Variants in DLG2 observed in about 807,000 individuals in gnomAD.
DLG2 encodes disks large homolog 2.
A neutral mutation model predicts 132.5 loss-of-function variants in DLG2; 45 were observed. The observed-to-expected ratio is 0.34, with a 90% confidence interval of 0.27 to 0.44. The LOEUF is 0.44. Ranked by LOEUF, DLG2 falls within the 20% of genes least tolerant of loss-of-function variation. DLG2 has a pLI of 1.00. For missense variants in DLG2, 1,045 were observed against 1,196.9 expected (o/e 0.87, Z 1.87); for synonymous variants, 424 against 419.6 (o/e 1.01, Z -0.13).
intron 19 of DLG2, among the ~76,000 whole-genome samples, chr11:83,593,672 AG>A (rs998008174): frequency 2.6e-5 from 4 of 151,438 alleles, no homozygotes; most frequent in African/African-American, 9.7e-5. Flanking sequence ...TAAAAAAAAA[AG>A]AAAAAAAAAG....
At position 84,412,096 on chromosome 11, in the gene DLG2, G is replaced by C. The variant is rs551906235; in HGVS notation, c.519+122474C>G. Among the ~76,000 whole-genome samples the C allele has an allele frequency of 3.5e-4, 53 of 151,668 alleles. 1 individual carries two copies. In the South Asian group the frequency reaches 0.011, roughly 30 times the overall value. On this transcript the variant is annotated intron_variant, in intron 7 of 27. Coordinates refer to ENST00000376104, the MANE Select transcript of DLG2 (RefSeq NM_001142699.3). ...CACCCTATAGCTGGGCTTAGCTAAA[G>C]TCTGCCCCATAACAGATGGTAATAC... is the stretch of plus-strand genomic sequence containing the variant.
At chr11:83,793,147 AT>A (rs1264613907) in intron 17 of DLG2, among the ~76,000 whole-genome samples, 1 of 152,112 alleles carries the variant, frequency 6.6e-6, no homozygotes, top group Non-Finnish European at 1.5e-5. Context: ...CTTTCAAAAA[AT>A]TATCTGCAAA....
chr11:85,022,245 G>T (rs1202721927), intron 6 of DLG2, among the ~76,000 whole-genome samples: 2 of 151,558 alleles, frequency 1.3e-5, no homozygotes, highest in Non-Finnish European at 2.9e-5. Context: ...AAATAAAACA[G>T]AAAGAATGAA....
Position 84,711,599 on chromosome 11 carries a change from A to G in DLG2, c.358-176868T>C, listed in dbSNP as rs1410742259. ...ACAAAAGCCAGCAGGCTCAAAACCCAAAAAGAGCCAATGCTTCACTTCAAG... is the reference window on the plus strand; with the variant it reads ...ACAAAAGCCAGCAGGCTCAAAACCCGAAAAGAGCCAATGCTTCACTTCAAG... On this transcript the variant is annotated intron_variant, in intron 6 of 27. Coordinates refer to ENST00000376104, the MANE Select transcript of DLG2 (RefSeq NM_001142699.3). Among the ~76,000 whole-genome samples the G allele has an allele frequency of 3.9e-5, 6 of 152,056 alleles. No homozygotes were observed. The East Asian group carries it at 1.2e-3, about 30-fold the overall frequency.
chr11:84,233,328 G>T (rs963258), intron 8 of DLG2, among the ~76,000 whole-genome samples: 147,786 of 152,258 alleles, frequency 0.97, 71,748 homozygotes, highest in East Asian at 1. Flanking sequence ...TTGGCAGAGC[G>T]TCCCTTCTAG....
chr11:83,558,984 G>C (rs1377341543), intron 19 of DLG2, among the ~76,000 whole-genome samples: 2 of 151,848 alleles, frequency 1.3e-5, no homozygotes, highest in Non-Finnish European at 2.9e-5. Flanking sequence ...TGTAAAAGAT[G>C]CATAAGGGAA....
At chr11:84,958,828 C>T (rs1038885885) in intron 6 of DLG2, among the ~76,000 whole-genome samples, 18 of 152,184 alleles carry the variant, frequency 1.2e-4, no homozygotes, top group African/African-American at 4.1e-4. Context: ...TTGCCAGCTA[C>T]AAACCCTGAC....
chr11:85,377,803 A>ATATATATATGTG (rs35141583), intron 3 of DLG2, among the ~76,000 whole-genome samples: 39 of 131,306 alleles, frequency 3.0e-4, no homozygotes, highest in Admixed American at 4.7e-4. Flanking sequence ...ATATATATAT[A>ATATATATATGTG]TGTGTGTGTG....
At chr11:85,412,259 A>C (rs939335582) in intron 3 of DLG2, among the ~76,000 whole-genome samples, 1 of 151,826 alleles carries the variant, frequency 6.6e-6, no homozygotes, top group African/African-American at 2.4e-5. Flanking sequence ...GGAATTGTAT[A>C]GTCCTCATTG....
At chr11:83,815,709 G>A (rs1231556070) in intron 17 of DLG2, among the ~76,000 whole-genome samples, 1 of 152,160 alleles carries the variant, frequency 6.6e-6, no homozygotes, top group Admixed American at 6.5e-5. Context: ...AATGTTCAGT[G>A]CCTTTCACTT....
intron 9 of DLG2, among the ~76,000 whole-genome samples, chr11:84,104,802 G>C (rs1382826771): frequency 3.3e-5 from 5 of 151,968 alleles, no homozygotes; most frequent in Non-Finnish European, 5.9e-5. Context: ...AAAGCCCCTA[G>C]TAAAATACTA....
chr11:84,731,267 A>G (rs926798853), intron 6 of DLG2, among the ~76,000 whole-genome samples: 1 of 152,018 alleles, frequency 6.6e-6, no homozygotes, highest in Non-Finnish European at 1.5e-5. Flanking sequence ...TACTAATTAC[A>G]TACTTTGAAG....
intron 18 of DLG2, among the ~76,000 whole-genome samples, chr11:83,775,098 G>A (rs891695070): frequency 2.0e-5 from 3 of 152,104 alleles, no homozygotes; most frequent in Admixed American, 6.5e-5. Context: ...ACTCCAAGCC[G>A]CTACTGTCGG....
intron 3 of DLG2, among the ~76,000 whole-genome samples, chr11:85,397,386 C>A (rs772795299): frequency 6.6e-6 from 1 of 151,846 alleles, no homozygotes; most frequent in Non-Finnish European, 1.5e-5. Context: ...GGCAAAATAA[C>A]CACCTAACAT....
chr11:85,549,512 A>G (rs964249257), intron 3 of DLG2, among the ~76,000 whole-genome samples: 2 of 152,238 alleles, frequency 1.3e-5, no homozygotes, highest in Non-Finnish European at 2.9e-5. Context: ...ACAAGTATGA[A>G]AAAAAGCATT....
chr11:85,050,076 G>C (rs1381161455), intron 6 of DLG2, among the ~76,000 whole-genome samples: 3 of 148,252 alleles, frequency 2.0e-5, no homozygotes, highest in Non-Finnish European at 4.5e-5. Flanking sequence ...CATTCTGAAG[G>C]AACTCCAACC....
At chr11:84,871,888 T>C (rs2085523860) in intron 6 of DLG2, among the ~76,000 whole-genome samples, 1 of 152,138 alleles carries the variant, frequency 6.6e-6, no homozygotes, top group Non-Finnish European at 1.5e-5. Context: ...TTGGCCAGGC[T>C]GCTCTCAAAC....
At chr11:85,312,643 G>A (rs2080388524) in intron 3 of DLG2, among the ~76,000 whole-genome samples, 1 of 151,746 alleles carries the variant, frequency 6.6e-6, no homozygotes, top group African/African-American at 2.4e-5. Flanking sequence ...AAAATTCAAG[G>A]CAGATTTGTC....
chr11:85,397,116 C>A (rs989163292), intron 3 of DLG2, among the ~76,000 whole-genome samples: 2 of 152,116 alleles, frequency 1.3e-5, no homozygotes, highest in Non-Finnish European at 2.9e-5. Flanking sequence ...AGAGCAGGGG[C>A]CAATATTCAA....
Sources: gnomAD v4.1 joint callset for allele counts (sites outside exome capture counted in the v4.1 genomes callset) on GRCh38, gnomAD v4.1.1 for gene constraint, MANE v1.5 for transcripts, NCBI Gene and HGNC (gene_info 2026-07-23, HGNC 2026-07-21) for gene names.